The following SMARCAD1 variants were observed in gnomAD, a reference collection of about 807,000 sequenced individuals.
The protein encoded by SMARCAD1 is SWI/SNF-related matrix-associated actin-dependent regulator of chromatin subfamily A containing DEAD/H box 1.
In SMARCAD1, 25 loss-of-function variants were observed where a neutral mutation model predicts 127.1. The observed-to-expected ratio is 0.20, with a 90% CI of 0.14 to 0.27. SMARCAD1 has a LOEUF of 0.27. Ranked by LOEUF, SMARCAD1 falls within the 10% of genes least tolerant of loss-of-function variation. The pLI, the probability that SMARCAD1 is intolerant of heterozygous loss-of-function variation, is 1.00. For missense variants in SMARCAD1, 807 were observed against 1,206.0 expected (o/e 0.67, Z 4.90); for synonymous variants, 400 against 396.9 (o/e 1.01, Z -0.09).
Position 94,226,308 on chromosome 4 carries a change from AATAG to A in SMARCAD1, c.368+16_368+19del. The A allele has an allele frequency of 1.2e-6, 2 of 1,601,102 alleles. No individual in the cohort carries two copies. The highest frequency in any genetic ancestry group is 1.7e-6 in the Non-Finnish European group (2 of 1,168,654). On this transcript the variant is annotated intron_variant, in intron 3 of 23. Coordinates refer to ENST00000354268, the MANE Select transcript of SMARCAD1 (RefSeq NM_020159.5). ...ACAGTGATTATAGTGTAAGCTGATT[AATAG>A]ATATATTGTATTTGCATGTGTGTGA...
At chr4:94,223,409 C>G (rs1579043914) in intron 2 of SMARCAD1, among the ~76,000 whole-genome samples, 1 of 152,062 alleles carries the variant, frequency 6.6e-6, no homozygotes, top group Non-Finnish European at 1.5e-5. Context: ...AGAAGAATCA[C>G]TGGAGCCCAG....
chr4:94,237,095 C>T (rs1380198594), intron 5 of SMARCAD1, 77 bp downstream of exon 5: 4 of 1,161,222 alleles, frequency 3.4e-6, no homozygotes, highest in Admixed American at 3.4e-5. Flanking sequence ...TAATATTGCT[C>T]CACAGTTTAT....
At chr4:94,247,986 C>A (rs926181941) in intron 6 of SMARCAD1, among the ~76,000 whole-genome samples, 3 of 152,136 alleles carry the variant, frequency 2.0e-5, no homozygotes, top group African/African-American at 7.2e-5. Flanking sequence ...TTCCTTAACT[C>A]TTCCCCCACA....
chr4:94,208,657 A>G (rs1182767201), intron 2 of SMARCAD1, 73 bp downstream of exon 2: 2 of 1,383,776 alleles, frequency 1.4e-6, no homozygotes, highest in Non-Finnish European at 2.0e-6. Flanking sequence ...AGGGATTCTC[A>G]TTTTTATTCT....
intron 2 of SMARCAD1, among the ~76,000 whole-genome samples, chr4:94,216,649 G>A (rs953005755): frequency 4.6e-5 from 7 of 151,964 alleles, no homozygotes; most frequent in Admixed American, 6.6e-5. Context: ...GGCAACTACC[G>A]TTTACGTTGT....
intron 3 of SMARCAD1, among the ~76,000 whole-genome samples, chr4:94,232,747 G>A (rs1746037203): frequency 6.6e-6 from 1 of 152,172 alleles, no homozygotes; most frequent in African/African-American, 2.4e-5. Context: ...GAGCCTAGGA[G>A]TTCAAGACAA....
chr4:94,254,237 C>A (rs776652112), intron 9 of SMARCAD1, among the ~76,000 whole-genome samples: 7 of 152,076 alleles, frequency 4.6e-5, no homozygotes, highest in Non-Finnish European at 2.9e-5. Flanking sequence ...ACTTGTTTGG[C>A]TTTGCCTGAG....
chr4:94,260,879 T>C (rs1051802218), intron 9 of SMARCAD1, among the ~76,000 whole-genome samples: 1 of 152,084 alleles, frequency 6.6e-6, no homozygotes, highest in Non-Finnish European at 1.5e-5. Context: ...AGGAAGAAAA[T>C]TTTTTTAATA....
chr4:94,277,264 G>C, intron 16 of SMARCAD1, 105 bp downstream of exon 16: 1 of 1,319,404 alleles, frequency 7.6e-7, no homozygotes, highest in Non-Finnish European at 1.1e-6. Context: ...TATGCTCTAT[G>C]AAGTAACTTT....
At position 94,290,085 on chromosome 4, in the gene SMARCAD1, G is replaced by T. The variant is rs1443951915; in HGVS notation, c.*551G>T. On this transcript the variant is annotated 3_prime_UTR_variant, in exon 24 of 24. Transcript: ENST00000354268. ...AGCAAGAACTCAACCTGAATTTAAA[G>T]GTGGCATTCCATATACTAACATCCC... The T allele has an allele frequency of 4.4e-6, 2 of 454,418 alleles. No homozygotes were observed. 28.1% of individuals were successfully genotyped at this position (454,418 alleles called of 1,614,324 possible).
chr4:94,286,546 C>A (rs931904049), intron 23 of SMARCAD1, among the ~76,000 whole-genome samples: 40 of 152,126 alleles, frequency 2.6e-4, no homozygotes, highest in African/African-American at 8.7e-4. Context: ...AGTTTCCATT[C>A]TTTCATCGTT....
intron 23 of SMARCAD1, among the ~76,000 whole-genome samples, chr4:94,288,168 T>C (rs1367810870): frequency 6.6e-6 from 1 of 152,172 alleles, no homozygotes; most frequent in Non-Finnish European, 1.5e-5. Context: ...TTCCTCAAAG[T>C]TGGTACAATA....
Position 94,272,435 on chromosome 4 carries a change from G to A in SMARCAD1, c.1573-1182G>A, listed in dbSNP as rs979754362. The stretch of plus-strand genomic sequence containing the variant: ...GTAAAATGTACAAATATACAGCTTA[G>A]TGACTTTTTACATATATGTACACCC... On this transcript the variant is annotated intron_variant, in intron 11 of 23. Transcript: ENST00000354268. Among the ~76,000 whole-genome samples the A allele has an allele frequency of 4.6e-5, 7 of 152,152 alleles. No individual in the cohort carries two copies. In the East Asian group the frequency reaches 9.6e-4, roughly 21 times the overall value.
chr4:94,226,489 G>A (rs142226824), intron 3 of SMARCAD1, among the ~76,000 whole-genome samples, 193 bp downstream of exon 3: 1 of 115,010 alleles, frequency 8.7e-6, no homozygotes, highest in Non-Finnish European at 1.8e-5. Flanking sequence ...CAATGTGTGT[G>A]TTTTCTGGAT....
At chr4:94,245,643 G>T (rs563541691) in intron 6 of SMARCAD1, among the ~76,000 whole-genome samples, 3 of 152,204 alleles carry the variant, frequency 2.0e-5, no homozygotes, top group Middle Eastern at 3.4e-3. Context: ...ACAATAACTC[G>T]TAAGCTGTAA....
intron 18 of SMARCAD1, 33 bp downstream of exon 18, chr4:94,278,766 AAG>A: frequency 1.2e-6 from 2 of 1,607,394 alleles, no homozygotes; most frequent in Admixed American, 3.3e-5. Flanking sequence ...TTATGTGAAA[AAG>A]AATCTTGTAC....
intron 6 of SMARCAD1, among the ~76,000 whole-genome samples, chr4:94,247,781 G>A (rs372551135): frequency 2.2e-4 from 34 of 152,210 alleles, no homozygotes; most frequent in African/African-American, 7.9e-4. Flanking sequence ...TATATAATAT[G>A]TAACCTTTTA....
intron 2 of SMARCAD1, among the ~76,000 whole-genome samples, chr4:94,211,171 C>T (rs1742189659): frequency 6.6e-6 from 1 of 152,068 alleles, no homozygotes; most frequent in Admixed American, 6.5e-5. Flanking sequence ...ACTCGGGAGG[C>T]TGAAGCAGGA....
chr4:94,236,854 C>A, intron 4 of SMARCAD1, 98 bp from the exon 5 acceptor site: 1 of 952,480 alleles, frequency 1.0e-6, no homozygotes, highest in Non-Finnish European at 1.7e-6. Flanking sequence ...ACTTTCCTGT[C>A]ATGTTTATAT....
Sources: allele counts gnomAD v4.1 joint callset (sites outside exome capture counted in the v4.1 genomes callset), GRCh38; gene constraint gnomAD v4.1.1; transcripts MANE v1.5; gene names NCBI Gene and HGNC (gene_info 2026-07-23, HGNC 2026-07-21).